The following RERE variants were observed in gnomAD, a reference collection of about 807,000 sequenced individuals.
RERE encodes arginine-glutamic acid dipeptide repeats protein.
A neutral mutation model predicts 146.1 loss-of-function variants in RERE; 40 were observed. The ratio of observed to expected loss-of-function variants is 0.27; its 90% CI spans 0.21 to 0.36. The LOEUF is 0.36. Ranked by LOEUF, RERE falls within the 10% of genes least tolerant of loss-of-function variation. The probability of loss-of-function intolerance (pLI) is 1.00; values close to 1 mark genes in which losing one functional copy is unlikely to be tolerated. For missense variants in RERE, 1,933 were observed against 2,138.7 expected (o/e 0.90, Z 1.90); for synonymous variants, 1,003 against 866.0 (o/e 1.16, Z -2.78).
chr1:8,634,633 C>G (rs1045148673), intron 2 of RERE, among the ~76,000 whole-genome samples: 1 of 152,206 alleles, frequency 6.6e-6, no homozygotes, highest in East Asian at 1.9e-4. Flanking sequence ...CCCATACCTA[C>G]TCCTTCTCTC....
chr1:8,527,172 C>T (rs1645580290), intron 7 of RERE, among the ~76,000 whole-genome samples: 1 of 152,180 alleles, frequency 6.6e-6, no homozygotes. Context: ...AACTCTTATC[C>T]TGCCGATAAT....
intron 7 of RERE, among the ~76,000 whole-genome samples, chr1:8,529,287 C>CTTCTTTTTTTTTTTTTT (rs1382281413): frequency 6.8e-5 from 7 of 102,444 alleles, no homozygotes; most frequent in African/African-American, 2.7e-4. Context: ...GTTCTCCCTT[C>CTTCTTTTTTTTTTTTTT]TTTTTTTTTT....
At chr1:8,697,809 AAAT>A (rs1242088953) in intron 1 of RERE, among the ~76,000 whole-genome samples, 2 of 152,330 alleles carry the variant, frequency 1.3e-5, no homozygotes, top group South Asian at 2.1e-4. Context: ...CTGTGGCCAA[AAAT>A]AATAAGACTT....
intron 12 of RERE, among the ~76,000 whole-genome samples, chr1:8,387,516 A>T (rs1294936695): frequency 6.6e-6 from 1 of 152,254 alleles, no homozygotes; most frequent in Non-Finnish European, 1.5e-5. Context: ...AATCATAAAA[A>T]GTGTGAAAAG....
intron 11 of RERE, among the ~76,000 whole-genome samples, chr1:8,433,553 C>CTA (rs1553166134): frequency 1.5e-5 from 2 of 130,216 alleles, no homozygotes; most frequent in Non-Finnish European, 3.2e-5. Context: ...CCATTCATTT[C>CTA]TTTTTTTTTT....
intron 12 of RERE, 105 bp downstream of exon 12, chr1:8,422,622 A>G: frequency 2.4e-6 from 2 of 819,496 alleles, no homozygotes; most frequent in Non-Finnish European, 4.2e-6. Flanking sequence ...CCCGAGTCTG[A>G]GCACAGCGCA....
intron 2 of RERE, among the ~76,000 whole-genome samples, chr1:8,630,738 G>A (rs956350726): frequency 6.6e-6 from 1 of 151,982 alleles, no homozygotes; most frequent in Admixed American, 6.6e-5. Flanking sequence ...ACATACATAC[G>A]TACATATATA....
At chr1:8,461,096 A>T (rs893970787) in intron 11 of RERE, among the ~76,000 whole-genome samples, 2 of 152,214 alleles carry the variant, frequency 1.3e-5, no homozygotes, top group Admixed American at 6.5e-5. Context: ...CAAGCATGGA[A>T]GGGTGACTTA....
chr1:8,440,831 AAG>A (rs1644237819), intron 11 of RERE, among the ~76,000 whole-genome samples: 1 of 151,656 alleles, frequency 6.6e-6, no homozygotes, highest in Non-Finnish European at 1.5e-5. Context: ...CAGGAGGCGG[AAG>A]TTGCAGTGAA....
chr1:8,673,777 C>G (rs904534581), intron 1 of RERE, among the ~76,000 whole-genome samples: 2 of 152,170 alleles, frequency 1.3e-5, no homozygotes. Flanking sequence ...GGCGCAGTGG[C>G]TCATGCCTGT....
chr1:8,361,890 G>C lies in RERE; in HGVS notation c.1903-14C>G. ...CTCCTTCACCTTCTGCAGGGGAAAA[G>C]CCCACAAGGAGCAATCAGGCCAAGG... On this transcript the variant is annotated splice_polypyrimidine_tract_variant and intron_variant, in intron 16 of 22. Coordinates refer to ENST00000400908, the MANE Select transcript of RERE (RefSeq NM_001042681.2). The C allele has an allele frequency of 6.3e-7, 1 of 1,593,166 alleles. No individual in the cohort carries two copies. Among genetic ancestry groups the C allele is most frequent in the Non-Finnish European group, 8.6e-7 (1 of 1,161,190 alleles).
chr1:8,355,271 TC>T, intron 22 of RERE, 147 bp downstream of exon 22: 1 of 1,131,850 alleles, frequency 8.8e-7, no homozygotes, highest in Non-Finnish European at 1.3e-6. Flanking sequence ...ACACCTCCCT[TC>T]CTCTGTTTCT....
At chr1:8,399,356 T>TA (rs1570142126) in intron 12 of RERE, among the ~76,000 whole-genome samples, 1 of 152,232 alleles carries the variant, frequency 6.6e-6, no homozygotes, top group Non-Finnish European at 1.5e-5. Flanking sequence ...TTCCTGGCTT[T>TA]AACTTATCTG....
At chr1:8,599,988 G>A (rs1646602094) in intron 4 of RERE, among the ~76,000 whole-genome samples, 1 of 152,172 alleles carries the variant, frequency 6.6e-6, no homozygotes, top group Non-Finnish European at 1.5e-5. Flanking sequence ...ACTTTGAACT[G>A]TAATAATGCC....
intron 4 of RERE, among the ~76,000 whole-genome samples, chr1:8,598,594 C>T (rs1335824950): frequency 6.6e-6 from 1 of 152,216 alleles, no homozygotes; most frequent in Non-Finnish European, 1.5e-5. Flanking sequence ...ACACAGAAAC[C>T]ACATCCAATG....
chr1:8,537,990 G>A (rs944074301), intron 7 of RERE, among the ~76,000 whole-genome samples: 6 of 152,126 alleles, frequency 3.9e-5, no homozygotes, highest in East Asian at 1.9e-4. Context: ...ATAAATCAAC[G>A]TATAACTACT....
At chr1:8,765,758 C>A (rs1006014679) in intron 1 of RERE, among the ~76,000 whole-genome samples, 52 of 152,186 alleles carry the variant, frequency 3.4e-4, no homozygotes, top group African/African-American at 1.2e-3. Flanking sequence ...TCGAGACCAT[C>A]CTGGCCAACA....
intron 1 of RERE, among the ~76,000 whole-genome samples, chr1:8,665,760 C>T (rs1472056962): frequency 6.6e-6 from 1 of 152,170 alleles, no homozygotes; most frequent in Non-Finnish European, 1.5e-5. Flanking sequence ...ATGCACTAAG[C>T]ACTTTACACA....
At chr1:8,530,939 C>T (rs1271649491) in intron 7 of RERE, among the ~76,000 whole-genome samples, 1 of 151,980 alleles carries the variant, frequency 6.6e-6, no homozygotes, top group Non-Finnish European at 1.5e-5. Flanking sequence ...GATCCACCCG[C>T]CTCGGCCTCC....
Sources: gnomAD v4.1 joint callset for allele counts (sites outside exome capture counted in the v4.1 genomes callset) on GRCh38, gnomAD v4.1.1 for gene constraint, MANE v1.5 for transcripts, NCBI Gene and HGNC (gene_info 2026-07-23, HGNC 2026-07-21) for gene names.